PCDHGB7: variants seen among roughly 807,000 people sequenced by gnomAD.
PCDHGB7 encodes the protein protocadherin gamma-B7.
Under a neutral mutation model 61.4 loss-of-function variants are expected in PCDHGB7, and 37 were observed. That is an observed-to-expected ratio of 0.60 (90% CI 0.46 to 0.79). PCDHGB7 has a LOEUF of 0.79. Among genes scored for constraint, PCDHGB7 ranks in the 30% least tolerant of loss-of-function variants. The pLI is 0.00. For missense variants in PCDHGB7, 1,166 were observed against 1,202.5 expected (o/e 0.97, Z 0.45); for synonymous variants, 464 against 503.5 (o/e 0.92, Z 1.05).
rs372054375 is a variant in PCDHGB7, at chr5:141,490,825, A to T, written c.2416-3982A>T. 9 of 1,613,692 alleles carry T rather than the reference A, an allele frequency of 5.6e-6. No individual in the cohort carries two copies. The highest frequency in any genetic ancestry group is 3.3e-4 in the Middle Eastern group (2 of 6,062). On this transcript the variant is annotated intron_variant, in intron 1 of 3. Transcript: ENST00000398594. This position sits in a 1 kb window ranked among gnomAD's most constrained non-coding sequence, Gnocchi z 5.4. ...TACCTTTGACTATGAATTGCTGCAG[A>T]TGCTGCAGATTGTGGTGGGGGTTCG... is the stretch of plus-strand genomic sequence containing the variant.
At chr5:141,464,929 G>A (rs1358204606) in intron 1 of PCDHGB7, among the ~76,000 whole-genome samples, 1 of 151,878 alleles carries the variant, frequency 6.6e-6, no homozygotes, top group Non-Finnish European at 1.5e-5. Flanking sequence ...TTGTAGAGAT[G>A]TGAGGTCTCA....
intron 1 of PCDHGB7, among the ~76,000 whole-genome samples, chr5:141,448,669 G>T: frequency 6.6e-6 from 1 of 152,136 alleles, no homozygotes; most frequent in East Asian, 1.9e-4. Flanking sequence ...GGCCGGGCGC[G>T]GTGGCTCACG....
At chr5:141,453,288 A>T (rs931678565) in intron 1 of PCDHGB7, among the ~76,000 whole-genome samples, 18 of 151,342 alleles carry the variant, frequency 1.2e-4, no homozygotes, top group Admixed American at 3.3e-4. Context: ...TAATTTTTTA[A>T]TTATTTATTT....
intron 1 of PCDHGB7, chr5:141,478,109 T>G: frequency 1.2e-6 from 2 of 1,614,086 alleles, no homozygotes; most frequent in Non-Finnish European, 8.5e-7. Flanking sequence ...CCTCACTGTG[T>G]CAGTAACCGA....
chr5:141,499,721 G>GTC (rs1434016871), intron 2 of PCDHGB7, among the ~76,000 whole-genome samples: 69 of 135,416 alleles, frequency 5.1e-4, no homozygotes, highest in African/African-American at 1.9e-3. Flanking sequence ...TGGAGACAGA[G>GTC]TCTCACTCTC....
chr5:141,438,733 C>T (rs2098057443), intron 1 of PCDHGB7, among the ~76,000 whole-genome samples: 1 of 149,042 alleles, frequency 6.7e-6, no homozygotes, highest in Non-Finnish European at 1.5e-5. Context: ...GTGATCTCAG[C>T]TCACTGCAAC....
At chr5:141,427,840 A>C (rs779622800) in intron 1 of PCDHGB7, 8 of 1,548,180 alleles carry the variant, frequency 5.2e-6, no homozygotes, top group Admixed American at 3.3e-5. Flanking sequence ...CGTGCCTTCG[A>C]CCACGAGCAG....
rs936895178 is a variant in PCDHGB7 at position 141,418,373 on chromosome 5, C to T, written c.514C>T (p.Leu172=). The change falls in exon 1 of 4, where the codon CTA becomes TTA. Residue 172 remains leucine, a synonymous_variant. Transcript: ENST00000398594. ...ISMNSLSKYQ[L]SPNEYFSLVE... ...TATGAATTCGCTGAGCAAATACCAA[C>T]TAAGTCCTAACGAGTATTTCTCATT... is the stretch of plus-strand genomic sequence containing the variant. 1 of 1,614,006 alleles carries T rather than the reference C, an allele frequency of 6.2e-7. No individual in the cohort carries two copies. The highest frequency in any genetic ancestry group is 8.5e-7 in the Non-Finnish European group (1 of 1,179,886).
Position 141,432,731 on chromosome 5 carries a change from G to C in PCDHGB7, c.2415+12457G>C, listed in dbSNP as rs1244820860. On this transcript the variant is annotated intron_variant, in intron 1 of 3. Coordinates refer to ENST00000398594, the MANE Select transcript of PCDHGB7 (RefSeq NM_018927.4). This position sits in a 1 kb window ranked among gnomAD's most constrained non-coding sequence, Gnocchi z 6.0. ...CGGCCAGCCCCCTCTCTCCGCCACT[G>C]TCACGCTCACCGTGGCCGTGGCCGA... The C allele has an allele frequency of 6.2e-7, 1 of 1,614,068 alleles. No homozygotes were observed.
chr5:141,473,431 G>A (rs541546681), intron 1 of PCDHGB7, among the ~76,000 whole-genome samples: 10 of 152,266 alleles, frequency 6.6e-5, no homozygotes, highest in Non-Finnish European at 1.3e-4. Flanking sequence ...CAGATACTTT[G>A]CTTATGCAAA....
chr5:141,489,354 G>A lies in PCDHGB7; in HGVS notation c.2416-5453G>A, dbSNP rs773010251. On this transcript the variant is annotated intron_variant, in intron 1 of 3. Coordinates refer to ENST00000398594, the MANE Select transcript of PCDHGB7 (RefSeq NM_018927.4). The surrounding 1 kb of genome is among the most constrained non-coding windows in gnomAD (Gnocchi z 4.5). ...AGCTTCGTTACTCAGTGGTGGAGGA[G>A]TCTGAGCCGGGGACGCTGGTGGGGA... The A allele has an allele frequency of 1.2e-5, 19 of 1,612,796 alleles. No homozygotes were observed. Among genetic ancestry groups the A allele is most frequent in the East Asian group, 2.2e-5 (1 of 44,868 alleles).
Position 141,477,797 on chromosome 5 carries a change from A to G in PCDHGB7, c.2416-17010A>G. ...CGTGAACATATTTGTCACTGATCGC[A>G]ATGACAATGCCCCCCAGGTCCTATA... On this transcript the variant is annotated intron_variant, in intron 1 of 3. Coordinates refer to ENST00000398594, the MANE Select transcript of PCDHGB7 (RefSeq NM_018927.4). This position sits in a 1 kb window ranked among gnomAD's most constrained non-coding sequence, Gnocchi z 4.9. 1.2e-6 allele frequency: 2 copies of G among 1,614,082 alleles called. No individual in the cohort carries two copies. Among genetic ancestry groups the G allele is most frequent in the Non-Finnish European group, 1.7e-6 (2 of 1,180,032 alleles).
At chr5:141,436,588 G>A (rs1182294845) in intron 1 of PCDHGB7, among the ~76,000 whole-genome samples, 3 of 152,138 alleles carry the variant, frequency 2.0e-5, no homozygotes, top group Non-Finnish European at 2.9e-5. Context: ...AATTTGAAAG[G>A]TCGTGGTGAT....
intron 1 of PCDHGB7, among the ~76,000 whole-genome samples, chr5:141,472,590 C>G (rs1161871973): frequency 6.6e-6 from 1 of 151,908 alleles, no homozygotes; most frequent in African/African-American, 2.4e-5. Flanking sequence ...GTCAGAAGCT[C>G]TCTTGAAATT....
intron 1 of PCDHGB7, among the ~76,000 whole-genome samples, chr5:141,492,164 C>G (rs1180358388): frequency 6.6e-6 from 1 of 152,230 alleles, no homozygotes; most frequent in Non-Finnish European, 1.5e-5. Context: ...CTCCCTATCC[C>G]CGCATCACCC....
Position 141,511,126 on chromosome 5 carries a change from G to A in PCDHGB7, c.2743G>A (p.Gly915Ser). The A allele has an allele frequency of 1.9e-6, 3 of 1,614,212 alleles. No individual in the cohort carries two copies. The highest frequency in any genetic ancestry group is 2.2e-5 in the South Asian group (2 of 91,086). The change falls in exon 4 of 4, where the codon GGT becomes AGT. Residue 915 changes from glycine to serine, a missense_variant. Coordinates refer to ENST00000398594, the MANE Select transcript of PCDHGB7 (RefSeq NM_018927.4). ...AGKRDGKAPA[G>S]GNGNKKKSGK... ...CAAGCGGGATGGCAAGGCCCCAGCA[G>A]GTGGCAATGGCAACAAGAAGAAGTC...
intron 1 of PCDHGB7, chr5:141,421,325 G>A: frequency 6.2e-7 from 1 of 1,613,906 alleles, no homozygotes; most frequent in Non-Finnish European, 8.5e-7. Context: ...AGGCAGATCC[G>A]ATATTCGGTG....
chr5:141,491,723 G>C lies in PCDHGB7; in HGVS notation c.2416-3084G>C. The C allele has an allele frequency of 1.2e-6, 2 of 1,606,770 alleles. No homozygotes were observed. The highest frequency in any genetic ancestry group is 1.7e-6 in the Non-Finnish European group (2 of 1,177,028). On this transcript the variant is annotated intron_variant, in intron 1 of 3. Transcript: ENST00000398594. The surrounding 1 kb of genome is among the most constrained non-coding windows in gnomAD (Gnocchi z 6.9). The stretch of plus-strand genomic sequence containing the variant: ...CAGGTGAGGGGCTCGGCGCCGCCCC[G>C]GGCGACCCCTGGGGGCGGCACTGGA...
Position 141,486,895 on chromosome 5 carries a change from C to T in PCDHGB7, c.2416-7912C>T, listed in dbSNP as rs1286004461. ...TCCGTCCTCGGGCCCGGCCTGGTTC[C>T]TTATGTCCCCAAGCACTGCCTCCAT... On this transcript the variant is annotated intron_variant, in intron 1 of 3. Coordinates refer to ENST00000398594, the MANE Select transcript of PCDHGB7 (RefSeq NM_018927.4). This position sits in a 1 kb window ranked among gnomAD's most constrained non-coding sequence, Gnocchi z 5.0. 3 of 1,614,134 alleles carry T rather than the reference C, an allele frequency of 1.9e-6. No homozygotes were observed. The highest frequency in any genetic ancestry group is 3.3e-5 in the Admixed American group (2 of 60,012).
Sources: gnomAD v4.1 joint callset for allele counts (sites outside exome capture counted in the v4.1 genomes callset) on GRCh38, gnomAD v4.1.1 for gene constraint, Gnocchi (gnomAD v3.1) non-coding constraint, MANE v1.5 for transcripts, NCBI Gene and HGNC (gene_info 2026-07-23, HGNC 2026-07-21) for gene names.